Variants in BST1 observed in about 807,000 individuals in gnomAD.
The protein encoded by BST1 is ADP-ribosyl cyclase/cyclic ADP-ribose hydrolase 2.
In BST1, 49 loss-of-function variants were observed where a neutral mutation model predicts 40.6. The ratio of observed to expected loss-of-function variants is 1.21; its 90% CI spans 0.96 to 1.53. The LOEUF (loss-of-function observed/expected upper bound fraction) is 1.53, where lower values mean the gene tolerates loss of function less well. Ranked by LOEUF, BST1 falls within the 40% of genes most tolerant of loss-of-function variation. The pLI is 0.00. For synonymous variants in BST1, 157 were observed against 159.3 expected (o/e 0.99, Z 0.11); for missense variants, 423 against 395.9 (o/e 1.07, Z -0.58).
intron 8 of BST1, among the ~76,000 whole-genome samples, chr4:15,724,725 A>AG (rs59318685): frequency 3.3e-5 from 5 of 151,938 alleles, no homozygotes; most frequent in Non-Finnish European, 5.9e-5. Flanking sequence ...AGAGAGAGAG[A>AG]AAGAGAGCAC....
chr4:15,720,942 A>C (rs1037953850), intron 7 of BST1, among the ~76,000 whole-genome samples: 4 of 152,244 alleles, frequency 2.6e-5, no homozygotes, highest in Non-Finnish European at 5.9e-5. Flanking sequence ...GGGCTGAGTT[A>C]TAATAGCCGG....
At position 15,705,571 on chromosome 4, in the gene BST1, C is replaced by T. The variant is rs1560276166; in HGVS notation, c.245C>T (p.Pro82Leu). 1.9e-6 allele frequency: 3 copies of T among 1,612,504 alleles called. No individual in the cohort carries two copies. The Admixed American group carries it at 5.0e-5, about 27-fold the overall frequency. ...TTTAAAGTGGCGCTGGACAAGGATC[C>T]CTGCTCCGTGCTGCCCTCAGACTAT... ...EAFKVALDKD[P>L]CSVLPSDYDL... is the part of the protein sequence containing the mutation. The change falls in exon 2 of 9, where the codon CCC (proline) becomes CTC (leucine). Residue 82 changes from proline (P) to leucine (L), a missense_variant. Physicochemically the swap from Pro to Leu is moderately conservative, Grantham distance 98. Transcript: ENST00000265016.
At chr4:15,743,869 A>G in the BST1 span, among the ~76,000 whole-genome samples, 1 of 152,168 alleles carries the variant, frequency 6.6e-6, no homozygotes, top group Non-Finnish European at 1.5e-5. Flanking sequence ...GCCTTCCATT[A>G]GGGACGCTGG....
Position 15,731,231 on chromosome 4 carries a change from T to C in BST1, c.852-509T>C. The C allele has an allele frequency of 8.6e-6, 4 of 464,732 alleles. No homozygotes were observed. The Admixed American group carries it at 1.1e-4, about 13-fold the overall frequency. 28.8% of individuals were successfully genotyped at this position (464,732 alleles called of 1,614,324 possible). A position where few individuals can be genotyped will look rare whatever the true frequency, so the allele number is the denominator to read the frequency against. On this transcript the variant is annotated intron_variant, in intron 8 of 8. Coordinates refer to ENST00000265016, the MANE Select transcript of BST1 (RefSeq NM_004334.3). ...TTGTGTGTGAGCAGGGAGGGGCAAT[T>C]TCCTGCCTTATTTAGGACTGGGCCG...
At chr4:15,768,390 T>C in the BST1 span, among the ~76,000 whole-genome samples, 2 of 152,064 alleles carry the variant, frequency 1.3e-5, no homozygotes. Context: ...TGGTAGTCCA[T>C]GGAAGAAGAG....
the BST1 span, among the ~76,000 whole-genome samples, chr4:15,772,789 G>T: frequency 9.2e-5 from 14 of 152,220 alleles, no homozygotes; most frequent in Non-Finnish European, 1.3e-4. Context: ...CAGGGTGAGG[G>T]CATGGCATCT....
intron 5 of BST1, 89 bp from the exon 6 acceptor site, chr4:15,715,618 A>ATT: frequency 1.0e-6 from 1 of 1,000,694 alleles, no homozygotes; most frequent in Admixed American, 3.1e-5. Context: ...AAAGCTCTTT[A>ATT]TTTTTTTTTA....
Position 15,703,430 on chromosome 4 carries a change from G to A in BST1, c.188+98G>A, listed in dbSNP as rs563451565. The A allele has an allele frequency of 1.4e-3, 2,022 of 1,444,556 alleles. 2 individuals are homozygous for A. The highest frequency in any genetic ancestry group is 1.6e-3 in the Non-Finnish European group (1,794 of 1,106,604). The allele number at this position is 1,444,556 out of a possible 1,614,324, so 89.5% of individuals were successfully genotyped here. On this transcript the variant is annotated intron_variant, in intron 1 of 8. Transcript: ENST00000265016. ...TGGCGCTAAAGTTCGGGGTGAGGGG[G>A]CAATGAGAGAGGCCTTGAGGGGAGA...
At chr4:15,743,326 C>G in the BST1 span, 1 of 346,390 alleles carries the variant, frequency 2.9e-6, no homozygotes, top group South Asian at 2.9e-5. Context: ...AAAAAGCATG[C>G]ACATCTTACA....
intron 8 of BST1, among the ~76,000 whole-genome samples, chr4:15,726,140 T>G (rs7438371): frequency 0.037 from 4,461 of 119,974 alleles, 250 homozygotes; most frequent in African/African-American, 0.11. Flanking sequence ...TTTAAAGTTT[T>G]TTTTTTTTTT....
At chr4:15,739,663 C>G (rs1164115142), downstream of BST1, among the ~76,000 whole-genome samples, 1 of 151,338 alleles carries the variant, frequency 6.6e-6, no homozygotes, top group East Asian at 1.9e-4. Flanking sequence ...CATGACTTTG[C>G]TATAGGACAT....
chr4:15,723,589 C>G (rs1468753421), intron 8 of BST1: 9 of 985,334 alleles, frequency 9.1e-6, no homozygotes, highest in Non-Finnish European at 1.1e-5. Flanking sequence ...CATGGGCTGG[C>G]TTGGTTGTAT....
the BST1 span, among the ~76,000 whole-genome samples, chr4:15,763,081 T>C: frequency 2.0e-5 from 3 of 152,030 alleles, no homozygotes; most frequent in Admixed American, 6.5e-5. Flanking sequence ...TGGAAATGTA[T>C]AATAAATGCA....
intron 8 of BST1, 37 bp from the exon 9 acceptor site, chr4:15,731,703 A>G (rs1365725678): frequency 1.0e-5 from 16 of 1,589,256 alleles, no homozygotes; most frequent in Non-Finnish European, 1.4e-5. Flanking sequence ...CCATACACCA[A>G]TACTGACACT....
chr4:15,720,693 A>C (rs1577584340), intron 7 of BST1, among the ~76,000 whole-genome samples: 1 of 152,090 alleles, frequency 6.6e-6, no homozygotes, highest in South Asian at 2.1e-4. Context: ...TGGGAGGCTG[A>C]GGTGGGAGGA....
At chr4:15,704,555 AGAGGTGAGGGATGTG>A in intron 1 of BST1, among the ~76,000 whole-genome samples, 1 of 149,908 alleles carries the variant, frequency 6.7e-6, no homozygotes, top group Non-Finnish European at 1.5e-5. Context: ...TGTGTGGTCT[AGAGGTGAGGGATGTG>A]TGTGTGGTCT....
chr4:15,713,870 A>G (rs1720360592), intron 4 of BST1, among the ~76,000 whole-genome samples: 1 of 151,736 alleles, frequency 6.6e-6, no homozygotes, highest in African/African-American at 2.4e-5. Context: ...TGCCCAACTA[A>G]TTTTTGCATT....
In BST1 at chr4:15,732,163, A is replaced by G. The variant is rs1252001464; in HGVS notation, c.*318A>G. 6 of 1,081,486 alleles carry G rather than the reference A, an allele frequency of 5.5e-6. No homozygotes were observed. Among genetic ancestry groups the G allele is most frequent in the Non-Finnish European group, 6.8e-6 (6 of 886,788 alleles). The allele number at this position is 1,081,486 out of a possible 1,614,324, so 67.0% of individuals were successfully genotyped here. On this transcript the variant is annotated 3_prime_UTR_variant, in exon 9 of 9. Coordinates refer to ENST00000265016, the MANE Select transcript of BST1 (RefSeq NM_004334.3). ...TTTAAGAGAATTCTAATAAAGCTGTATTTTACATCATCTATATTTTCCTAT... is the reference window on the plus strand; with the variant it reads ...TTTAAGAGAATTCTAATAAAGCTGTGTTTTACATCATCTATATTTTCCTAT...
At chr4:15,740,935 G>C (rs901712001), downstream of BST1, among the ~76,000 whole-genome samples, 8 of 151,808 alleles carry the variant, frequency 5.3e-5, no homozygotes, top group Non-Finnish European at 1.0e-4. Flanking sequence ...ACTCAACTCC[G>C]TGGTTCGTGA....
Sources: gnomAD v4.1 joint callset for allele counts (sites outside exome capture counted in the v4.1 genomes callset) on GRCh38, gnomAD v4.1.1 for gene constraint, MANE v1.5 for transcripts, NCBI Gene and HGNC (gene_info 2026-07-23, HGNC 2026-07-21) for gene names.